Variants in ME2 observed in about 807,000 individuals in gnomAD.
The protein encoded by ME2 is NAD-dependent malic enzyme, mitochondrial.
In ME2, 60 loss-of-function variants were observed where a neutral mutation model predicts 73.7. The ratio of observed to expected loss-of-function variants is 0.81; its 90% CI spans 0.66 to 1.01. The LOEUF is 1.01. ME2 is among the 50% of genes least tolerant of loss of function. The probability of loss-of-function intolerance (pLI) is 0.00; values close to 1 mark genes in which losing one functional copy is unlikely to be tolerated. For synonymous variants in ME2, 199 were observed against 236.9 expected (o/e 0.84, Z 1.47); for missense variants, 594 against 705.5 (o/e 0.84, Z 1.79).
chr18:50,925,459 A>G (rs1166809505), intron 11 of ME2, among the ~76,000 whole-genome samples: 1 of 152,082 alleles, frequency 6.6e-6, no homozygotes, highest in Non-Finnish European at 1.5e-5. Flanking sequence ...AGTCTGGGCG[A>G]CAGAGCGAGA....
chr18:50,891,806 G>A (rs987837446), intron 1 of ME2, among the ~76,000 whole-genome samples: 15 of 151,828 alleles, frequency 9.9e-5, no homozygotes, highest in South Asian at 2.1e-4. Context: ...CCTGGAATTG[G>A]ACTTATAATT....
chr18:50,909,018 A>G (rs1917086224), intron 3 of ME2, among the ~76,000 whole-genome samples: 1 of 148,984 alleles, frequency 6.7e-6, no homozygotes, highest in Non-Finnish European at 1.5e-5. Flanking sequence ...CAGTGGCACA[A>G]TTTCAGCTCA....
Position 50,947,400 on chromosome 18 carries a change from C to T in ME2, c.*216C>T, listed in dbSNP as rs181263950. ...ACCCTACAGTCAGATAGTTGTGATG[C>T]TTTAATTCTAACATACAGCCCGTAC... On this transcript the variant is annotated 3_prime_UTR_variant, in exon 16 of 16. Transcript: ENST00000321341. 3.8e-6 allele frequency: 2 copies of T among 530,982 alleles called. No individual in the cohort carries two copies. Among genetic ancestry groups the T allele is most frequent in the Non-Finnish European group, 6.7e-6 (2 of 299,234 alleles). 32.9% of individuals were successfully genotyped at this position (530,982 alleles called of 1,614,324 possible). A position where few individuals can be genotyped will look rare whatever the true frequency, so the allele number is the denominator to read the frequency against.
intron 3 of ME2, among the ~76,000 whole-genome samples, chr18:50,909,532 G>A (rs548092123): frequency 1.3e-5 from 2 of 152,298 alleles, no homozygotes; most frequent in South Asian, 2.1e-4. Context: ...TCTGGGTAGA[G>A]GGATCGGTCT....
At chr18:50,908,956 CT>C (rs71171364) in intron 3 of ME2, among the ~76,000 whole-genome samples, 79,801 of 127,176 alleles carry the variant, frequency 0.63, 24,138 homozygotes, top group South Asian at 0.76. Flanking sequence ...CTTTTCTTTT[CT>C]TTTTTTTTTT....
chr18:50,913,666 A>C (rs1223876305), intron 4 of ME2, among the ~76,000 whole-genome samples: 1 of 152,050 alleles, frequency 6.6e-6, no homozygotes, highest in Non-Finnish European at 1.5e-5. Context: ...TTTCATTCCA[A>C]ATAGTTGTAG....
chr18:50,924,052 A>C, intron 10 of ME2, 46 bp from the exon 11 acceptor site: 1 of 1,147,926 alleles, frequency 8.7e-7, no homozygotes. Context: ...TTTCATCTTT[A>C]ATATGCATTG....
rs779091116 is a variant in ME2, at chr18:50,947,910, T to C, written c.*726T>C. 4.6e-5 allele frequency: 7 copies of C among 152,204 alleles called. No homozygotes were observed. Among genetic ancestry groups the C allele is most frequent in the Non-Finnish European group, 7.4e-5 (5 of 68,024 alleles). The allele number at this position is 152,204 out of a possible 1,614,324, so 9.4% of individuals were successfully genotyped here. A position where few individuals can be genotyped will look rare whatever the true frequency, so the allele number is the denominator to read the frequency against. On this transcript the variant is annotated 3_prime_UTR_variant, in exon 16 of 16. Transcript: ENST00000321341. ...ATTTAATTGCTTCAGTTATGCTATC[T>C]TATTGCCCAACTAGAAATTTAGATT...
Position 50,952,036 on chromosome 18 carries a change from G to A in ME2, c.*4852G>A, listed in dbSNP as rs1479219402. On this transcript the variant is annotated 3_prime_UTR_variant, in exon 16 of 16. Transcript: ENST00000321341. Reference sequence around the variant, plus strand: ...AAAGGGAAGTCCTAAGAATGAAATGGCACCAGCATCCTGTTTCCATCCAAG... The same window carrying A: ...AAAGGGAAGTCCTAAGAATGAAATGACACCAGCATCCTGTTTCCATCCAAG... The A allele has an allele frequency of 2.0e-5, 3 of 152,052 alleles. No individual in the cohort carries two copies. Among genetic ancestry groups the A allele is most frequent in the Admixed American group, 1.3e-4 (2 of 15,246 alleles). The allele number at this position is 152,052 out of a possible 1,614,324, so 9.4% of individuals were successfully genotyped here.
chr18:50,886,926 A>G (rs1459485364), intron 1 of ME2, among the ~76,000 whole-genome samples: 1 of 152,154 alleles, frequency 6.6e-6, no homozygotes, highest in East Asian at 1.9e-4. Flanking sequence ...CACTGAATCC[A>G]GGAGACGGAG....
chr18:50,933,781 C>G (rs1476271559), intron 13 of ME2: 3 of 151,960 alleles, frequency 2.0e-5, no homozygotes, highest in Admixed American at 2.0e-4. Context: ...AGCATGCTAC[C>G]CGATAGGTAG....
intron 13 of ME2, among the ~76,000 whole-genome samples, chr18:50,938,628 A>G (rs1276321422): frequency 6.6e-6 from 1 of 152,170 alleles, no homozygotes; most frequent in African/African-American, 2.4e-5. Flanking sequence ...TACCCTACCA[A>G]AAGAGGGAGT....
intron 15 of ME2, 28 bp downstream of exon 15, chr18:50,940,414 T>G (rs1917919347): frequency 7.7e-7 from 1 of 1,296,522 alleles, no homozygotes; most frequent in African/African-American, 1.5e-5. Flanking sequence ...CTTCTTCACA[T>G]TAATTTTAAT....
chr18:50,920,497 A>G lies in ME2; in HGVS notation c.776A>G (p.Asn259Ser). 6.2e-7 allele frequency: 1 copy of G among 1,601,376 alleles called. No individual in the cohort carries two copies. Among genetic ancestry groups the G allele is most frequent in the Non-Finnish European group, 8.5e-7 (1 of 1,177,340 alleles). Residue 259 changes from asparagine (N) to serine (S), a missense_variant, in exon 8 of 16, where the codon AAT (asparagine) becomes AGT (serine). By Grantham distance (46) the Asn-to-Ser change is conservative. Coordinates refer to ENST00000321341, the MANE Select transcript of ME2 (RefSeq NM_002396.5). Reference protein sequence around the residue: ...NTLIQFEDFGNHNAFRFLRKY... With the variant: ...NTLIQFEDFGSHNAFRFLRKY... ...CTCATTCAGTTCGAAGACTTTGGAA[A>G]TCATAATGCATTCAGGTTCTTGAGA...
chr18:50,895,933 G>A lies in ME2; in HGVS notation c.108+5G>A. 6.4e-7 allele frequency: 1 copy of A among 1,566,278 alleles called. No individual in the cohort carries two copies. The highest frequency in any genetic ancestry group is 1.1e-5 in the South Asian group (1 of 89,948). On this transcript the variant is annotated splice_donor_5th_base_variant and intron_variant, in intron 2 of 15. Transcript: ENST00000321341. ...CTGAACCCAAGAACAAACAAGGTTA[G>A]TAACATTAATATCAATGTACATTTT...
intron 2 of ME2, among the ~76,000 whole-genome samples, chr18:50,897,232 C>G (rs573041723): frequency 6.6e-6 from 1 of 152,274 alleles, no homozygotes; most frequent in South Asian, 2.1e-4. Flanking sequence ...AGGGACCATT[C>G]AAATACTTCT....
intron 3 of ME2, among the ~76,000 whole-genome samples, chr18:50,910,546 G>A (rs1000371307): frequency 6.6e-6 from 1 of 152,078 alleles, no homozygotes; most frequent in Non-Finnish European, 1.5e-5. Context: ...GTGCCATTCT[G>A]CACAGCAATG....
At chr18:50,913,860 T>TACACACACACAC (rs1555677139) in intron 4 of ME2, among the ~76,000 whole-genome samples, 6,549 of 143,188 alleles carry the variant, frequency 0.046, 249 homozygotes, top group African/African-American at 0.098. Context: ...AGCAATATTA[T>TACACACACACAC]ACACACACAC....
chr18:50,934,750 T>A (rs1917777101), intron 13 of ME2: 2 of 152,132 alleles, frequency 1.3e-5, no homozygotes, highest in Non-Finnish European at 2.9e-5. Flanking sequence ...AAAAAACTGT[T>A]AATATTTGAA....
Sources: gnomAD v4.1 joint callset for allele counts (sites outside exome capture counted in the v4.1 genomes callset) on GRCh38, gnomAD v4.1.1 for gene constraint, MANE v1.5 for transcripts, NCBI Gene and HGNC (gene_info 2026-07-23, HGNC 2026-07-21) for gene names.